Variants in PRKN observed in about 807,000 individuals in gnomAD.
The protein encoded by PRKN is parkin RBR E3 ubiquitin protein ligase, also known as E3 ubiquitin-protein ligase parkin.
PRKN carries 56 observed loss-of-function variants against 59.5 expected under a neutral mutation model. The ratio of observed to expected loss-of-function variants is 0.94; its 90% CI spans 0.76 to 1.18. The LOEUF (loss-of-function observed/expected upper bound fraction) is 1.18. Ranked by LOEUF, PRKN falls within the 50% of genes most tolerant of loss-of-function variation. The probability of loss-of-function intolerance (pLI) is 0.00; values close to 1 mark genes in which losing one functional copy is unlikely to be tolerated. For missense variants in PRKN, 657 were observed against 596.4 expected, an observed-to-expected ratio of 1.10 and a Z score of -1.06; for synonymous variants, 250 against 222.1, an observed-to-expected ratio of 1.13 and a Z score of -1.12.
At chr6:161,670,456 G>T (rs116509410) in intron 7 of PRKN, among the ~76,000 whole-genome samples, 1 of 152,184 alleles carries the variant, frequency 6.6e-6, no homozygotes, top group South Asian at 2.1e-4. Context: ...TCATCATTCC[G>T]ATCTCTGCCT....
intron 5 of PRKN, among the ~76,000 whole-genome samples, chr6:162,031,294 T>G (rs1378507231): frequency 6.6e-6 from 1 of 152,038 alleles, no homozygotes; most frequent in Non-Finnish European, 1.5e-5. Context: ...TCATTCAAAT[T>G]AGACTGCATG....
At chr6:161,492,212 T>C (rs1311731884) in intron 9 of PRKN, among the ~76,000 whole-genome samples, 1 of 152,206 alleles carries the variant, frequency 6.6e-6, no homozygotes, top group Non-Finnish European at 1.5e-5. Flanking sequence ...TTGATGCTAC[T>C]CTCCTCAGTA....
chr6:162,499,898 A>C (rs2128187551), intron 1 of PRKN, among the ~76,000 whole-genome samples: 1 of 152,326 alleles, frequency 6.6e-6, no homozygotes, highest in South Asian at 2.1e-4. Context: ...TTTAATAAAA[A>C]GAAAACCTTA....
intron 4 of PRKN, among the ~76,000 whole-genome samples, chr6:162,081,682 T>C (rs1262854366): frequency 6.6e-6 from 1 of 152,134 alleles, no homozygotes; most frequent in Non-Finnish European, 1.5e-5. Context: ...ATGAGTATTG[T>C]CTTCAACTTA....
At chr6:162,674,191 T>C (rs1430349544) in intron 1 of PRKN, among the ~76,000 whole-genome samples, 1 of 152,218 alleles carries the variant, frequency 6.6e-6, no homozygotes, top group African/African-American at 2.4e-5. Flanking sequence ...AGATTCAATA[T>C]TTATTGAGAC....
At chr6:161,832,452 C>T (rs760045216) in intron 6 of PRKN, among the ~76,000 whole-genome samples, 1 of 151,638 alleles carries the variant, frequency 6.6e-6, no homozygotes, top group East Asian at 1.9e-4. Context: ...GGTGAAACCT[C>T]GTCTCTAGTA....
chr6:161,474,258 T>C (rs1407311071), intron 9 of PRKN, among the ~76,000 whole-genome samples: 1 of 152,308 alleles, frequency 6.6e-6, no homozygotes, highest in African/African-American at 2.4e-5. Context: ...TGGTGTGTAA[T>C]GGCTCTTCAT....
At chr6:161,998,766 T>C (rs901757950) in intron 5 of PRKN, among the ~76,000 whole-genome samples, 2 of 152,188 alleles carry the variant, frequency 1.3e-5, no homozygotes, top group Non-Finnish European at 2.9e-5. Context: ...CCGTTATACA[T>C]ACTTGCAGTG....
At chr6:162,515,704 CT>C (rs1777821863) in intron 1 of PRKN, among the ~76,000 whole-genome samples, 1 of 152,018 alleles carries the variant, frequency 6.6e-6, no homozygotes, top group Non-Finnish European at 1.5e-5. Flanking sequence ...CTTGAATCAG[CT>C]TTCTCTTCCT....
At chr6:161,570,139 AAAAAAAAATATATATATATAT>A (rs1780821985) in intron 7 of PRKN, among the ~76,000 whole-genome samples, 1 of 135,418 alleles carries the variant, frequency 7.4e-6, no homozygotes. Context: ...AAAAAAAAAA[AAAAAAAAATATATATATATAT>A]ATATATATGC....
intron 4 of PRKN, among the ~76,000 whole-genome samples, chr6:162,145,076 T>C (rs1376113243): frequency 6.6e-6 from 1 of 152,190 alleles, no homozygotes; most frequent in Non-Finnish European, 1.5e-5. Context: ...CCCTGATGAC[T>C]TCCTGTAGTC....
At chr6:161,699,466 CTG>C (rs1263624504) in intron 7 of PRKN, among the ~76,000 whole-genome samples, 1 of 152,076 alleles carries the variant, frequency 6.6e-6, no homozygotes, top group East Asian at 1.9e-4. Flanking sequence ...GGATAACAAA[CTG>C]TGAAATGTCT....
At chr6:161,915,639 A>C (rs1409379024) in intron 6 of PRKN, among the ~76,000 whole-genome samples, 4 of 152,208 alleles carry the variant, frequency 2.6e-5, no homozygotes, top group African/African-American at 9.6e-5. Flanking sequence ...TTCATTACCT[A>C]CATCATGCTG....
chr6:162,197,730 G>A lies in PRKN; in HGVS notation c.534+3401C>T, dbSNP rs533295731. 5.3e-5 allele frequency among the ~76,000 whole-genome samples: 8 copies of A among 152,268 alleles called. 1 individual carries two copies. Among genetic ancestry groups the A allele is most frequent in the African/African-American group, 1.9e-4 (8 of 41,548 alleles). ...ATACAAGAATATAAGGATAAGGAAG[G>A]AAATCAGTACACTGTAGTGAAGCCA... On this transcript the variant is annotated intron_variant, in intron 4 of 11. Coordinates refer to ENST00000366898, the MANE Select transcript of PRKN (RefSeq NM_004562.3).
chr6:162,305,512 A>C (rs1397304102), intron 2 of PRKN, among the ~76,000 whole-genome samples: 4 of 152,148 alleles, frequency 2.6e-5, no homozygotes, highest in African/African-American at 4.8e-5. Context: ...TTCTTGAACG[A>C]GCTTCGCTCT....
At chr6:161,570,124 TAAAAAAAAAAAAAA>T (rs55699586) in intron 7 of PRKN, among the ~76,000 whole-genome samples, 4 of 51,418 alleles carry the variant, frequency 7.8e-5, no homozygotes, top group African/African-American at 3.3e-4. Flanking sequence ...AGTAAATAGG[TAAAAAAAAAAAAAA>T]AAAAAAAAAT....
At chr6:162,049,202 A>G (rs571029045) in intron 5 of PRKN, among the ~76,000 whole-genome samples, 22 of 152,198 alleles carry the variant, frequency 1.4e-4, no homozygotes, top group African/African-American at 5.3e-4. Context: ...TTAAGAATAT[A>G]TTAGGAACAC....
chr6:161,443,662 T>A (rs559387121), intron 9 of PRKN, among the ~76,000 whole-genome samples: 298 of 152,228 alleles, frequency 2.0e-3, no homozygotes, highest in Non-Finnish European at 3.1e-3. Flanking sequence ...TCAGTTTTTT[T>A]AAATGGTCAT....
At chr6:161,661,791 C>T (rs9365312) in intron 7 of PRKN, among the ~76,000 whole-genome samples, 62,303 of 151,872 alleles carry the variant, frequency 0.41, 13,627 homozygotes, top group Non-Finnish European at 0.49. Flanking sequence ...GGGAGGCCGA[C>T]GTGGGAGGAT....
Sources: gnomAD v4.1 joint callset for allele counts (sites outside exome capture counted in the v4.1 genomes callset) on GRCh38, gnomAD v4.1.1 for gene constraint, MANE v1.5 for transcripts, NCBI Gene and HGNC (gene_info 2026-07-23, HGNC 2026-07-21) for gene names.